Variants in PCNX2 observed in about 807,000 individuals in gnomAD.
PCNX2 encodes pecanex 2.
A neutral mutation model predicts 223.8 loss-of-function variants in PCNX2; 168 were observed. That is an observed-to-expected ratio of 0.75 (90% CI 0.66 to 0.85). PCNX2 has a LOEUF of 0.85. Among genes scored for constraint, PCNX2 ranks in the 40% least tolerant of loss-of-function variants. The pLI, the probability that PCNX2 is intolerant of heterozygous loss-of-function variation, is 0.00. For missense variants in PCNX2, 2,507 were observed against 2,675.5 expected (o/e 0.94, Z 1.39); for synonymous variants, 1,006 against 1,052.6 (o/e 0.96, Z 0.86).
rs746417206 is a variant in PCNX2, at chr1:233,227,333, T to G, written c.2397A>C (p.Ser799=). 1.9e-6 allele frequency: 3 copies of G among 1,613,614 alleles called. No individual in the cohort carries two copies. The highest frequency in any genetic ancestry group is 2.7e-5 in the African/African-American group (2 of 74,872). Reference sequence around the variant, plus strand: ...GCTCTCGGTTAAATTTTCCTTGTGTTGAAGAACATGACGAGGCTTCCAGAT... The same window carrying G: ...GCTCTCGGTTAAATTTTCCTTGTGTGGAAGAACATGACGAGGCTTCCAGAT... The part of the protein sequence containing the change: ...SQDLEASSCS[S]TQGKFNREQF... Residue 799 remains serine (S), a synonymous_variant, in exon 10 of 34, where the codon TCA becomes TCC. Transcript: ENST00000258229.
intron 21 of PCNX2, among the ~76,000 whole-genome samples, chr1:233,132,599 C>G (rs1434000833): frequency 6.6e-6 from 1 of 152,206 alleles, no homozygotes; most frequent in Non-Finnish European, 1.5e-5. Flanking sequence ...GTCACTAATA[C>G]AAGGTGATAT....
At chr1:233,279,419 G>A (rs1346112108) in intron 1 of PCNX2, among the ~76,000 whole-genome samples, 2 of 150,360 alleles carry the variant, frequency 1.3e-5, no homozygotes, top group Non-Finnish European at 3.0e-5. Context: ...GTGTGTGTGT[G>A]TGTAAAATAT....
chr1:233,311,100 A>C, the PCNX2 span, among the ~76,000 whole-genome samples: 1 of 152,260 alleles, frequency 6.6e-6, no homozygotes, highest in Admixed American at 6.5e-5. Flanking sequence ...ACATGGCTGA[A>C]CTGAGTTCCT....
At chr1:233,179,811 T>C (rs189413910) in intron 15 of PCNX2, among the ~76,000 whole-genome samples, 207 of 152,374 alleles carry the variant, frequency 1.4e-3, no homozygotes, top group African/African-American at 4.6e-3. Flanking sequence ...TCATAGCTTA[T>C]GCCCCTTCCC....
intron 1 of PCNX2, among the ~76,000 whole-genome samples, chr1:233,286,492 A>G (rs989293526): frequency 5.9e-5 from 9 of 152,240 alleles, no homozygotes; most frequent in African/African-American, 2.2e-4. Flanking sequence ...GGGGAAAGGA[A>G]TATGTGGACG....
In PCNX2 at chr1:233,014,718, C is replaced by G; in HGVS notation, c.4899G>C (p.Leu1633=). Residue 1633 remains leucine, a synonymous_variant, in exon 28 of 34, where the codon CTG becomes CTC. Coordinates refer to ENST00000258229, the MANE Select transcript of PCNX2 (RefSeq NM_014801.4). ...CCAGAGCTCTCCTCCCCAGGGTGCA[C>G]AGGGCGAAGGACAGAGTCACCAAGG... The part of the protein sequence containing the change: ...DSPLVTLSFA[L]CTLGRRALGT... 1 of 1,613,990 alleles carries G rather than the reference C, an allele frequency of 6.2e-7. No homozygotes were observed. Among genetic ancestry groups the G allele is most frequent in the Non-Finnish European group, 8.5e-7 (1 of 1,179,904 alleles).
intron 9 of PCNX2, among the ~76,000 whole-genome samples, chr1:233,234,932 C>A (rs1477629487): frequency 6.6e-6 from 1 of 151,710 alleles, no homozygotes; most frequent in African/African-American, 2.4e-5. Flanking sequence ...AGACCTTGTA[C>A]GGGCTGACAG....
Position 233,160,326 on chromosome 1 carries a change from G to T in PCNX2, c.3474C>A (p.His1158Gln). The T allele has an allele frequency of 6.2e-7, 1 of 1,613,452 alleles. No individual in the cohort carries two copies. Among genetic ancestry groups the T allele is most frequent in the South Asian group, 1.1e-5 (1 of 91,068 alleles). The change falls in exon 19 of 34, where the codon CAC (histidine) becomes CAA (glutamine). Residue 1158 changes from histidine (H) to glutamine (Q), a missense_variant. His to Gln is a conservative substitution (Grantham distance 24). Around this residue, in one of 3 missense-constraint regions of PCNX2, gnomAD observed 1,372 missense variants for 1,509.4 expected, o/e 0.91. Transcript: ENST00000258229. ...RKHHPWMWIS[H>Q]PILKNKEYHQ... is the part of the protein sequence containing the mutation. The stretch of plus-strand genomic sequence containing the variant: ...GATACTCTTTGTTTTTGAGAATGGG[G>T]TGTGAAATCCACATCCAGGGATGAT...
chr1:233,081,614 A>C (rs1284323631), intron 23 of PCNX2, among the ~76,000 whole-genome samples: 3 of 152,218 alleles, frequency 2.0e-5, no homozygotes, highest in Non-Finnish European at 4.4e-5. Context: ...GTGGCCACTC[A>C]CCACGCTTTC....
chr1:233,200,009 T>C, intron 14 of PCNX2, 145 bp downstream of exon 14: 1 of 616,312 alleles, frequency 1.6e-6, no homozygotes, highest in Non-Finnish European at 2.7e-6. Context: ...AGGCCCATCA[T>C]CACCCAGACT....
intron 21 of PCNX2, among the ~76,000 whole-genome samples, chr1:233,107,307 G>C (rs942743830): frequency 6.6e-6 from 1 of 152,206 alleles, no homozygotes; most frequent in South Asian, 2.1e-4. Flanking sequence ...GGAATCACTT[G>C]AGCCCTGGAG....
At chr1:233,085,471 C>G (rs949754024) in intron 23 of PCNX2, among the ~76,000 whole-genome samples, 11 of 152,154 alleles carry the variant, frequency 7.2e-5, no homozygotes, top group Admixed American at 5.9e-4. Flanking sequence ...ATGGCCATAG[C>G]AGCAAATTTA....
chr1:233,087,151 T>G, intron 23 of PCNX2: 9 of 985,436 alleles, frequency 9.1e-6, no homozygotes, highest in Non-Finnish European at 1.1e-5. Context: ...TTCCTTGAAG[T>G]ATTAAAATGG....
chr1:233,170,903 C>G (rs2102842726), intron 17 of PCNX2, among the ~76,000 whole-genome samples: 1 of 152,204 alleles, frequency 6.6e-6, no homozygotes, highest in East Asian at 1.9e-4. Flanking sequence ...TATCACAGAC[C>G]AAAGTTAATG....
chr1:233,268,998 T>C (rs867607082), intron 1 of PCNX2, among the ~76,000 whole-genome samples: 1 of 152,150 alleles, frequency 6.6e-6, no homozygotes, highest in Non-Finnish European at 1.5e-5. Context: ...ATGGTGCCCC[T>C]GACCAAGTGG....
chr1:233,180,105 T>G (rs2102860355), intron 15 of PCNX2, among the ~76,000 whole-genome samples: 1 of 152,346 alleles, frequency 6.6e-6, no homozygotes, highest in Admixed American at 6.5e-5. Flanking sequence ...AAAAATGGCC[T>G]TGCTGAGAGA....
intron 9 of PCNX2, chr1:233,231,653 G>T (rs1447506148): frequency 1.0e-6 from 1 of 984,824 alleles, no homozygotes; most frequent in Admixed American, 6.2e-5. Flanking sequence ...AGAAGGAGTA[G>T]AAGAGTGAAC....
At position 233,074,343 on chromosome 1, in the gene PCNX2, C is replaced by T. The variant is rs1572073024; in HGVS notation, c.4076+15718G>A. Among the ~76,000 whole-genome samples the T allele has an allele frequency of 2.6e-5, 4 of 151,968 alleles. No individual in the cohort carries two copies. In the East Asian group the frequency reaches 7.7e-4, roughly 29 times the overall value. On this transcript the variant is annotated intron_variant, in intron 23 of 33. Transcript: ENST00000258229. ...GGCGCGGTGGCTCACGCCTGTAATC[C>T]CAGCACTTTGGGAGGCCGAGGCGGG...
At chr1:233,313,695 G>T in the PCNX2 span, among the ~76,000 whole-genome samples, 1 of 152,272 alleles carries the variant, frequency 6.6e-6, no homozygotes, top group East Asian at 1.9e-4. Context: ...AGTATACACA[G>T]ACCTCCTAAA....
Sources: allele counts gnomAD v4.1 joint callset (sites outside exome capture counted in the v4.1 genomes callset), GRCh38; gene constraint gnomAD v4.1.1; regional missense constraint gnomAD v4.1.1; transcripts MANE v1.5; gene names NCBI Gene and HGNC (gene_info 2026-07-23, HGNC 2026-07-21).